The following GALNT13 variants were observed in gnomAD, a reference collection of about 807,000 sequenced individuals.
GALNT13 encodes UDP-GalNAc:polypeptide N-acetylgalactosaminyltransferase 13.
GALNT13 carries 28 observed loss-of-function variants against 64.2 expected under a neutral mutation model. The observed-to-expected ratio is 0.44, with a 90% confidence interval of 0.32 to 0.60. The LOEUF is 0.60. Among genes scored for constraint, GALNT13 ranks in the 20% least tolerant of loss-of-function variants. GALNT13 has a pLI of 0.05. For synonymous variants in GALNT13, 214 were observed against 224.6 expected, an observed-to-expected ratio of 0.95 and a Z score of 0.42; for missense variants, 577 against 669.8, an observed-to-expected ratio of 0.86 and a Z score of 1.53.
At chr2:154,391,558 G>A (rs562108783) in intron 9 of GALNT13, among the ~76,000 whole-genome samples, 1 of 152,212 alleles carries the variant, frequency 6.6e-6, no homozygotes, top group Non-Finnish European at 1.5e-5. Context: ...TGAAAGTGAA[G>A]TGGGAGTGGT....
chr2:153,590,132 A>G, the GALNT13 span, among the ~76,000 whole-genome samples: 1 of 152,280 alleles, frequency 6.6e-6, no homozygotes, highest in Non-Finnish European at 1.5e-5. Context: ...CCAAATAATT[A>G]CAATGAGAAA....
chr2:153,389,755 G>A, the GALNT13 span, among the ~76,000 whole-genome samples: 37 of 152,068 alleles, frequency 2.4e-4, no homozygotes, highest in Non-Finnish European at 5.1e-4. Context: ...GTACATTGGA[G>A]AGAGCGCTGG....
chr2:154,153,338 A>G (rs184267051), intron 4 of GALNT13, among the ~76,000 whole-genome samples: 1,601 of 152,126 alleles, frequency 0.011, 29 homozygotes, highest in African/African-American at 0.036. Flanking sequence ...GTCTGCCCCT[A>G]CTGGGGGGTG....
At chr2:154,299,032 ATATAT>A (rs765265086) in intron 8 of GALNT13, among the ~76,000 whole-genome samples, 104 of 146,430 alleles carry the variant, frequency 7.1e-4, no homozygotes, top group Non-Finnish European at 9.1e-4. Flanking sequence ...ACAGATACAA[ATATAT>A]TATATATAAA....
At chr2:153,508,680 T>C in the GALNT13 span, among the ~76,000 whole-genome samples, 1 of 152,336 alleles carries the variant, frequency 6.6e-6, no homozygotes, top group East Asian at 1.9e-4. Flanking sequence ...CACGGTTTTT[T>C]AGCATCTCAG....
chr2:153,497,206 A>G, the GALNT13 span, among the ~76,000 whole-genome samples: 4 of 152,212 alleles, frequency 2.6e-5, no homozygotes, highest in African/African-American at 9.6e-5. Flanking sequence ...CTAAACACCT[A>G]TTTACATCTC....
At position 153,945,062 on chromosome 2, in the gene GALNT13, G is replaced by A. The variant is rs533129910; in HGVS notation, c.142+423G>A. On this transcript the variant is annotated intron_variant, in intron 3 of 12. Coordinates refer to ENST00000392825, the MANE Select transcript of GALNT13 (RefSeq NM_052917.4). Reference sequence around the variant, plus strand: ...AAACGAACTGTGCATGAATGACACCGCTAAAGACTTCCAAAACAGTTGAAA... The same window carrying A: ...AAACGAACTGTGCATGAATGACACCACTAAAGACTTCCAAAACAGTTGAAA... 1.4e-4 allele frequency among the ~76,000 whole-genome samples: 22 copies of A among 152,220 alleles called. No individual in the cohort carries two copies. The East Asian group carries it at 4.1e-3, about 28-fold the overall frequency.
chr2:154,146,883 A>G (rs374108944), intron 4 of GALNT13, among the ~76,000 whole-genome samples: 5 of 152,048 alleles, frequency 3.3e-5, no homozygotes, highest in African/African-American at 1.2e-4. Context: ...TTAAAACGTC[A>G]TATAAACCCA....
At chr2:153,196,750 TGTGGCAGCCCCCAGG>T in the GALNT13 span, among the ~76,000 whole-genome samples, 1 of 152,058 alleles carries the variant, frequency 6.6e-6, no homozygotes, top group African/African-American at 2.4e-5. Context: ...CTGACCCCAC[TGTGGCAGCCCCCAGG>T]GTGGTGGGCT....
At chr2:153,640,664 C>T in the GALNT13 span, among the ~76,000 whole-genome samples, 1 of 152,100 alleles carries the variant, frequency 6.6e-6, no homozygotes, top group African/African-American at 2.4e-5. Flanking sequence ...CGACTGTAGT[C>T]CCAGCTTCTC....
At chr2:154,292,212 G>A (rs1473173419) in intron 8 of GALNT13, among the ~76,000 whole-genome samples, 2 of 152,026 alleles carry the variant, frequency 1.3e-5, no homozygotes, top group Non-Finnish European at 2.9e-5. Flanking sequence ...TCATGTTTAG[G>A]TGTATACTAG....
chr2:153,583,182 G>A, the GALNT13 span, among the ~76,000 whole-genome samples: 2 of 152,288 alleles, frequency 1.3e-5, no homozygotes, highest in East Asian at 1.9e-4. Context: ...CATTACTTAA[G>A]CTGAGATGCC....
chr2:153,411,234 T>A, the GALNT13 span, among the ~76,000 whole-genome samples: 2 of 151,572 alleles, frequency 1.3e-5, no homozygotes, highest in Admixed American at 1.3e-4. Flanking sequence ...AGTAAATTCA[T>A]TCATTAATTC....
chr2:153,523,422 C>A, the GALNT13 span, among the ~76,000 whole-genome samples: 1 of 152,156 alleles, frequency 6.6e-6, no homozygotes, highest in Non-Finnish European at 1.5e-5. Context: ...GAACTGACAT[C>A]TTAACAATAT....
At chr2:153,111,310 T>C in the GALNT13 span, among the ~76,000 whole-genome samples, 2 of 152,086 alleles carry the variant, frequency 1.3e-5, no homozygotes, top group African/African-American at 4.8e-5. Context: ...AGTAAAAAAC[T>C]AAACCTGTTG....
the GALNT13 span, among the ~76,000 whole-genome samples, chr2:153,170,669 A>T: frequency 3.9e-5 from 6 of 152,330 alleles, no homozygotes; most frequent in African/African-American, 1.4e-4. Context: ...CTGACTTCCA[A>T]ATACATGTTG....
intron 2 of GALNT13, among the ~76,000 whole-genome samples, chr2:153,939,919 A>G (rs1305846391): frequency 6.6e-6 from 1 of 152,182 alleles, no homozygotes; most frequent in Non-Finnish European, 1.5e-5. Flanking sequence ...TTGCACAATT[A>G]GTGAGTGTTG....
intron 7 of GALNT13, among the ~76,000 whole-genome samples, chr2:154,252,293 T>C (rs1690109433): frequency 6.6e-6 from 1 of 151,794 alleles, no homozygotes; most frequent in Non-Finnish European, 1.5e-5. Flanking sequence ...GAAAACATGG[T>C]ACATAAACAT....
chr2:153,728,138 C>T, the GALNT13 span, among the ~76,000 whole-genome samples: 1 of 152,084 alleles, frequency 6.6e-6, no homozygotes, highest in African/African-American at 2.4e-5. Context: ...TTTATTCAGT[C>T]TATTATTGAT....
Sources: gnomAD v4.1 joint callset for allele counts (sites outside exome capture counted in the v4.1 genomes callset) on GRCh38, gnomAD v4.1.1 for gene constraint, MANE v1.5 for transcripts, NCBI Gene and HGNC (gene_info 2026-07-23, HGNC 2026-07-21) for gene names.